BICD1: variants seen among roughly 807,000 people sequenced by gnomAD.
BICD1 encodes the protein BICD cargo adaptor 1, also known as protein bicaudal D homolog 1.
In BICD1, 35 loss-of-function variants were observed where a neutral mutation model predicts 92.5. The ratio of observed to expected loss-of-function variants is 0.38; its 90% CI spans 0.29 to 0.50. The LOEUF is 0.50. Ranked by LOEUF, BICD1 falls within the 20% of genes least tolerant of loss-of-function variation. BICD1 has a pLI of 0.93. For synonymous variants in BICD1, 429 were observed against 465.1 expected (o/e 0.92, Z 1.00); for missense variants, 950 against 1,189.8 (o/e 0.80, Z 2.97).
At chr12:32,206,360 C>T (rs1945055481) in intron 1 of BICD1, among the ~76,000 whole-genome samples, 1 of 152,204 alleles carries the variant, frequency 6.6e-6, no homozygotes, top group Middle Eastern at 3.2e-3. Context: ...AATCCCAGCA[C>T]TTTGGGAGGC....
rs181478724 is a variant in BICD1 at position 32,224,979 on chromosome 12, A to G, written c.426+8520A>G. Among the ~76,000 whole-genome samples the G allele has an allele frequency of 2.4e-3, 367 of 152,304 alleles. 3 individuals carry two copies. Among genetic ancestry groups the G allele is most frequent in the Non-Finnish European group, 2.9e-3 (195 of 68,038 alleles). ...AGTGTTGGGGTTACAAGTGTGAGTCACTGCGCCTGGCCAGTTCCATGAATT... is the reference window on the plus strand; with the variant it reads ...AGTGTTGGGGTTACAAGTGTGAGTCGCTGCGCCTGGCCAGTTCCATGAATT... On this transcript the variant is annotated intron_variant, in intron 2 of 9. Coordinates refer to ENST00000652176, the MANE Select transcript of BICD1 (RefSeq NM_001714.4).
rs909804600 is a variant in BICD1, at chr12:32,378,701, T to G, written c.*1074T>G. 2.0e-5 allele frequency: 3 copies of G among 152,036 alleles called. No homozygotes were observed. The highest frequency in any genetic ancestry group is 7.3e-5 in the African/African-American group (3 of 41,284). 9.4% of individuals were successfully genotyped at this position (152,036 alleles called of 1,614,324 possible). ...ATTTACCCAGAGAGTGTTCAAAGTT[T>G]GATTAAAATTGTATGTTTTGTTGTT... On this transcript the variant is annotated 3_prime_UTR_variant, in exon 10 of 10. Transcript: ENST00000652176.
At chr12:32,148,318 C>CTGATTT (rs1196259198) in intron 1 of BICD1, among the ~76,000 whole-genome samples, 1 of 152,068 alleles carries the variant, frequency 6.6e-6, no homozygotes, top group Non-Finnish European at 1.5e-5. Flanking sequence ...AAATCTCATA[C>CTGATTT]TGATTCTGAT....
chr12:32,333,113 C>A, intron 5 of BICD1: 3 of 984,314 alleles, frequency 3.0e-6, no homozygotes, highest in Non-Finnish European at 3.6e-6. Context: ...TAGATACTGA[C>A]CATGGGATTC....
At chr12:32,367,818 A>T (rs1939583661) in intron 9 of BICD1, 73 bp downstream of exon 9, 1 of 1,324,756 alleles carries the variant, frequency 7.5e-7, no homozygotes, top group Non-Finnish European at 1.1e-6. Flanking sequence ...CCTTTCCGAC[A>T]CCTGAACTGC....
At chr12:32,221,647 C>T (rs2121575048) in intron 2 of BICD1, among the ~76,000 whole-genome samples, 1 of 151,896 alleles carries the variant, frequency 6.6e-6, no homozygotes, top group South Asian at 2.1e-4. Context: ...CGCCACTGTA[C>T]TCCAGCCTGG....
chr12:32,237,938 G>C (rs1000145101), intron 2 of BICD1, among the ~76,000 whole-genome samples: 1 of 152,176 alleles, frequency 6.6e-6, no homozygotes. Context: ...ATTTTATAAA[G>C]ATATAGCTGC....
chr12:32,196,868 AATC>A (rs1486994573), intron 1 of BICD1, among the ~76,000 whole-genome samples: 2 of 152,222 alleles, frequency 1.3e-5, no homozygotes, highest in Non-Finnish European at 2.9e-5. Flanking sequence ...ATGTATATCA[AATC>A]ATCATGTTGT....
At chr12:32,368,268 G>A (rs1939598964) in intron 9 of BICD1, among the ~76,000 whole-genome samples, 2 of 152,182 alleles carry the variant, frequency 1.3e-5, no homozygotes, top group Non-Finnish European at 2.9e-5. Flanking sequence ...GGCTGAGGTA[G>A]GAGGATCAAT....
intron 8 of BICD1, among the ~76,000 whole-genome samples, chr12:32,360,572 A>T (rs1485957039): frequency 6.6e-6 from 1 of 152,168 alleles, no homozygotes; most frequent in Admixed American, 6.5e-5. Flanking sequence ...TCTCTATCTC[A>T]TAAGACCAGG....
chr12:32,243,105 CT>C (rs1002802716), intron 2 of BICD1, among the ~76,000 whole-genome samples: 101 of 143,940 alleles, frequency 7.0e-4, no homozygotes, highest in African/African-American at 6.8e-4. Flanking sequence ...TTAGGATTTT[CT>C]TTTTTTTTTT....
intron 2 of BICD1, among the ~76,000 whole-genome samples, chr12:32,254,791 T>A (rs966997125): frequency 1.3e-5 from 2 of 152,232 alleles, no homozygotes; most frequent in Non-Finnish European, 2.9e-5. Context: ...AATGAACCAA[T>A]ATATAACCTT....
chr12:32,287,779 C>T lies in BICD1; in HGVS notation c.427-6215C>T, dbSNP rs375582475. Reference sequence around the variant, plus strand: ...ATCTCGATCTCTTGACCTTGTGATCCGCCCGCCTCGGCCTCCCAAAGTGCT... The same window carrying T: ...ATCTCGATCTCTTGACCTTGTGATCTGCCCGCCTCGGCCTCCCAAAGTGCT... On this transcript the variant is annotated intron_variant, in intron 2 of 9. Transcript: ENST00000652176. Among the ~76,000 whole-genome samples the T allele has an allele frequency of 2.6e-5, 4 of 152,250 alleles. No individual in the cohort carries two copies. The South Asian group carries it at 6.2e-4, about 24-fold the overall frequency.
intron 1 of BICD1, among the ~76,000 whole-genome samples, chr12:32,214,930 A>C (rs749938870): frequency 6.6e-6 from 1 of 152,010 alleles, no homozygotes; most frequent in Non-Finnish European, 1.5e-5. Context: ...TCTCAGAGTC[A>C]GAACTCTGTG....
chr12:32,164,350 C>T (rs1449580176), intron 1 of BICD1, among the ~76,000 whole-genome samples: 1 of 152,060 alleles, frequency 6.6e-6, no homozygotes, highest in Non-Finnish European at 1.5e-5. Flanking sequence ...CTATTATGCC[C>T]CAATTCTCAT....
chr12:32,151,562 G>T (rs1332361430), intron 1 of BICD1, among the ~76,000 whole-genome samples: 1 of 152,188 alleles, frequency 6.6e-6, no homozygotes, highest in Non-Finnish European at 1.5e-5. Flanking sequence ...ATGTTCTCAG[G>T]CATCCCTAGC....
At chr12:32,308,956 T>TA (rs1414095394) in intron 4 of BICD1, among the ~76,000 whole-genome samples, 1 of 152,182 alleles carries the variant, frequency 6.6e-6, no homozygotes, top group Non-Finnish European at 1.5e-5. Flanking sequence ...CTAACAACAC[T>TA]AACTGTAAAT....
intron 1 of BICD1, chr12:32,108,936 A>T (rs1025982854): frequency 2.5e-6 from 1 of 397,406 alleles, no homozygotes; most frequent in Non-Finnish European, 4.6e-6. Context: ...AAATGCAGTG[A>T]TGCTAAACCT....
Position 32,320,531 on chromosome 12 carries a change from A to G in BICD1, c.1006-6930A>G, listed in dbSNP as rs185810404. 2.0e-5 allele frequency among the ~76,000 whole-genome samples: 3 copies of G among 152,160 alleles called. No homozygotes were observed. In the East Asian group the frequency reaches 5.8e-4, roughly 29 times the overall value. On this transcript the variant is annotated intron_variant, in intron 4 of 9. Transcript: ENST00000652176. Reference sequence around the variant, plus strand: ...TTGGCACGTGCCTGTAATCCCAGCTACTCGGGAGGCTGAGGCAGGAGAATT... The same window carrying G: ...TTGGCACGTGCCTGTAATCCCAGCTGCTCGGGAGGCTGAGGCAGGAGAATT...
Sources: allele counts gnomAD v4.1 joint callset (sites outside exome capture counted in the v4.1 genomes callset), GRCh38; gene constraint gnomAD v4.1.1; transcripts MANE v1.5; gene names NCBI Gene and HGNC (gene_info 2026-07-23, HGNC 2026-07-21).